RNF34: variants seen among roughly 807,000 people sequenced by gnomAD.
The protein encoded by RNF34 is ring finger protein 34, also known as E3 ubiquitin-protein ligase RNF34.
A neutral mutation model predicts 37.9 loss-of-function variants in RNF34; 12 were observed. The ratio of observed to expected loss-of-function variants is 0.32; its 90% CI spans 0.20 to 0.51. The LOEUF is 0.51. Ranked by LOEUF, RNF34 falls within the 20% of genes least tolerant of loss-of-function variation. The pLI is 0.97. For synonymous variants in RNF34, 155 were observed against 177.2 expected (o/e 0.87, Z 1.00); for missense variants, 362 against 472.7 (o/e 0.77, Z 2.17).
intron 1 of RNF34, among the ~76,000 whole-genome samples, chr12:121,412,015 C>G (rs1416439964): frequency 6.6e-6 from 1 of 152,168 alleles, no homozygotes; most frequent in Non-Finnish European, 1.5e-5. Flanking sequence ...AGTGCATACT[C>G]TAAAGAACTG....
At position 121,417,790 on chromosome 12, in the gene RNF34, C is replaced by T; in HGVS notation, c.512C>T (p.Thr171Ile). The T allele has an allele frequency of 6.2e-7, 1 of 1,614,142 alleles. No homozygotes were observed. The highest frequency in any genetic ancestry group is 8.5e-7 in the Non-Finnish European group (1 of 1,180,022). Residue 171 changes from threonine (T) to isoleucine (I), a missense_variant, in exon 3 of 6, where the codon ACT (threonine) becomes ATT (isoleucine). Coordinates refer to ENST00000361234, the MANE Select transcript of RNF34 (RefSeq NM_025126.4). The surrounding 1 kb of genome is among the most constrained non-coding windows in gnomAD (Gnocchi z 5.0). ...TSSLNSSRSQTSSFFTRSFFS... is the reference protein window; with the variant it reads ...TSSLNSSRSQISSFFTRSFFS... ...AGTCTGAATTCTTCAAGGTCCCAGA[C>T]TTCTAGCTTTTTTACACGTTCGTTT...
intron 5 of RNF34, among the ~76,000 whole-genome samples, chr12:121,421,386 AAAAAAAAAAAAAC>A (rs1872135797): frequency 7.3e-6 from 1 of 136,446 alleles, no homozygotes; most frequent in African/African-American, 2.5e-5. Flanking sequence ...AAAAAAAAAA[AAAAAAAAAAAAAC>A]CAAAAAAACC....
At position 121,410,670 on chromosome 12, in the gene RNF34, AGAT is replaced by A. The variant is rs201430917; in HGVS notation, c.7-5485_7-5483del. Among the ~76,000 whole-genome samples, 755 of 152,194 alleles carry A rather than the reference AGAT, an allele frequency of 5.0e-3. 17 individuals are homozygous for A. Among genetic ancestry groups the A allele is most frequent in the Admixed American group, 0.039 (597 of 15,270 alleles). On this transcript the variant is annotated intron_variant, in intron 1 of 5. Coordinates refer to ENST00000361234, the MANE Select transcript of RNF34 (RefSeq NM_025126.4). ...GGAGTGTTGCAAATGCTCCTCTCAG[AGAT>A]GATAACTATAAGTGGATTTGCCCTT...
In RNF34 at chr12:121,402,847, G is replaced by C. The variant is rs368630147; in HGVS notation, c.6+2629G>C. 2.7e-6 allele frequency: 4 copies of C among 1,459,138 alleles called. No individual in the cohort carries two copies. The African/African-American group carries it at 5.6e-5, about 21-fold the overall frequency. The allele number at this position is 1,459,138 out of a possible 1,614,324, so 90.4% of individuals were successfully genotyped here. A position where few individuals can be genotyped will look rare whatever the true frequency, so the allele number is the denominator to read the frequency against. On this transcript the variant is annotated intron_variant, in intron 1 of 5. Coordinates refer to ENST00000361234, the MANE Select transcript of RNF34 (RefSeq NM_025126.4). The stretch of plus-strand genomic sequence containing the variant: ...TATAGCACATGTTATTGTAATAATC[G>C]ATCAGTTTGGCCAATGTCTTGTCTA...
At chr12:121,406,810 T>A (rs1451065738) in intron 1 of RNF34, among the ~76,000 whole-genome samples, 3 of 152,214 alleles carry the variant, frequency 2.0e-5, no homozygotes, top group Non-Finnish European at 4.4e-5. Context: ...GTGCTAGGCA[T>A]AGGCAGACAG....
At position 121,416,260 on chromosome 12, in the gene RNF34, C is replaced by CGGTCCAT; in HGVS notation, c.109_115dup (p.Phe39TrpfsTer10). ...AGCAGTCAGCATTTGCAGGAGCCAC[C>CGGTCCAT]GGTCCATTCAGATTTACACCAAACC... On this transcript the variant is annotated frameshift_variant, in exon 2 of 6. Coordinates refer to ENST00000361234, the MANE Select transcript of RNF34 (RefSeq NM_025126.4). LOFTEE classifies it high-confidence loss of function. The CGGTCCAT allele has an allele frequency of 6.2e-7, 1 of 1,613,984 alleles. No individual in the cohort carries two copies. Among genetic ancestry groups the CGGTCCAT allele is most frequent in the Non-Finnish European group, 8.5e-7 (1 of 1,179,934 alleles).
At chr12:121,415,840 C>CTTTTTT (rs782608817) in intron 1 of RNF34, among the ~76,000 whole-genome samples, 8 of 108,062 alleles carry the variant, frequency 7.4e-5, no homozygotes, top group South Asian at 6.2e-4. Flanking sequence ...TTTGTCCAGT[C>CTTTTTT]TTTTTTTTTT....
intron 3 of RNF34, 152 bp downstream of exon 3, chr12:121,418,063 C>A: frequency 1.2e-6 from 1 of 825,112 alleles, no homozygotes; most frequent in Non-Finnish European, 1.9e-6. Flanking sequence ...CACTTAAAGG[C>A]TGTCCTGATG....
chr12:121,406,189 CTGG>C (rs1334542018), intron 1 of RNF34, among the ~76,000 whole-genome samples: 1 of 152,184 alleles, frequency 6.6e-6, no homozygotes. Flanking sequence ...AAGAGGAGAA[CTGG>C]CATTGGATAC....
In RNF34 at chr12:121,423,407, A is replaced by G; in HGVS notation, c.950A>G (p.Gln317Arg). The G allele has an allele frequency of 1.9e-6, 3 of 1,609,196 alleles. No homozygotes were observed. Among genetic ancestry groups the G allele is most frequent in the Non-Finnish European group, 1.7e-6 (2 of 1,177,134 alleles). ...TCAGATGGCGAGCGGCTGCAGCTGC[A>G]GGATGAGGAAGACGACAGCCTGTGT... ...QKSYGERLQL[Q>R]DEEDDSLCRI... Residue 317 changes from glutamine (Q) to arginine (R), a missense_variant, in exon 6 of 6, where the codon CAG becomes CGG. Gln to Arg is a conservative substitution (Grantham distance 43). Transcript: ENST00000361234. This position sits in a 1 kb window ranked among gnomAD's most constrained non-coding sequence, Gnocchi z 4.3.
rs375023523 is a variant in RNF34, at chr12:121,413,866, C to T, written c.7-2293C>T. On this transcript the variant is annotated intron_variant, in intron 1 of 5. Coordinates refer to ENST00000361234, the MANE Select transcript of RNF34 (RefSeq NM_025126.4). Reference sequence around the variant, plus strand: ...CTGGCATTACAGGTGTGAGCCACCGCGCCCGGCTTCACCTGACTTTTAAAG... The same window carrying T: ...CTGGCATTACAGGTGTGAGCCACCGTGCCCGGCTTCACCTGACTTTTAAAG... Among the ~76,000 whole-genome samples, 33 of 152,192 alleles carry T rather than the reference C, an allele frequency of 2.2e-4. 1 individual carries two copies. Among genetic ancestry groups the T allele is most frequent in the African/African-American group, 6.0e-4 (25 of 41,520 alleles).
rs368005152 is a variant in RNF34, at chr12:121,420,323, G to A, written c.715G>A (p.Ala239Thr). 1.6e-5 allele frequency: 25 copies of A among 1,567,772 alleles called. No homozygotes were observed. The highest frequency in any genetic ancestry group is 2.0e-5 in the Non-Finnish European group (23 of 1,155,566). ...DEDDDDEEEN[A>T]EDRNPGLSKE... is the part of the protein sequence containing the mutation. ...GGATGATGATGATGAAGAAGAAAAC[G>A]CAGAGGATCGGGTGAGGCCACCTAT... is the stretch of plus-strand genomic sequence containing the variant. The change falls in exon 4 of 6, where the codon GCA becomes ACA. Residue 239 changes from alanine to threonine, a missense_variant. Transcript: ENST00000361234.
chr12:121,405,331 G>A (rs1555280534), intron 1 of RNF34, among the ~76,000 whole-genome samples: 1 of 152,182 alleles, frequency 6.6e-6, no homozygotes, highest in East Asian at 1.9e-4. Flanking sequence ...TTGTCTTCCT[G>A]TAGTGAAGAT....
intron 4 of RNF34, 50 bp from the exon 5 acceptor site, chr12:121,420,527 G>T: frequency 6.3e-7 from 1 of 1,594,824 alleles, no homozygotes; most frequent in East Asian, 2.2e-5. Flanking sequence ...TTAGAGTGGG[G>T]AGGGTCTGGA....
Position 121,412,847 on chromosome 12 carries a change from C to T in RNF34, c.7-3312C>T, listed in dbSNP as rs997107459. Among the ~76,000 whole-genome samples the T allele has an allele frequency of 3.3e-5, 5 of 150,174 alleles. No individual in the cohort carries two copies. The South Asian group carries it at 1.1e-3, about 32-fold the overall frequency. On this transcript the variant is annotated intron_variant, in intron 1 of 5. Transcript: ENST00000361234. ...TCAAGTAATTCTCCTGCCTTAGCCT[C>T]CCAAGTAGCTGGGATTACAGGTGCC...
rs61733229 is a variant in RNF34, at chr12:121,400,138, G to A, written c.-75G>A. The A allele has an allele frequency of 2.1e-3, 3,299 of 1,549,052 alleles. 59 individuals are homozygous for A. The African/African-American group carries it at 0.04, about 19-fold the overall frequency. ...GCGGTAATCACCGCCCAGAGGGAAG[G>A]AGGTCGGCAGTGTGAGGAGCTGCTA... On this transcript the variant is annotated 5_prime_UTR_variant, in exon 1 of 6. Coordinates refer to ENST00000361234, the MANE Select transcript of RNF34 (RefSeq NM_025126.4).
intron 1 of RNF34, chr12:121,415,207 G>C (rs1871445180): frequency 9.2e-6 from 2 of 217,862 alleles, no homozygotes; most frequent in South Asian, 5.2e-5. Flanking sequence ...AAAAAATCTA[G>C]AGAGAGTTTC....
intron 5 of RNF34, among the ~76,000 whole-genome samples, chr12:121,422,763 C>A (rs781878227): frequency 6.6e-6 from 1 of 152,178 alleles, no homozygotes; most frequent in Non-Finnish European, 1.5e-5. Context: ...TTCTTATTCA[C>A]AGACTGGATT....
intron 1 of RNF34, chr12:121,402,775 T>G: frequency 6.2e-7 from 1 of 1,609,294 alleles, no homozygotes. Context: ...AAGTATACTG[T>G]TAAAAGAAAA....
Sources: gnomAD v4.1 joint callset for allele counts (sites outside exome capture counted in the v4.1 genomes callset) on GRCh38, gnomAD v4.1.1 for gene constraint, Gnocchi (gnomAD v3.1) non-coding constraint, MANE v1.5 for transcripts, NCBI Gene and HGNC (gene_info 2026-07-23, HGNC 2026-07-21) for gene names.